The following SLC22A23 variants were observed in gnomAD, a reference collection of about 807,000 sequenced individuals.
SLC22A23 encodes the protein ion transporter protein.
Under a neutral mutation model 61.0 loss-of-function variants are expected in SLC22A23, and 26 were observed. The ratio of observed to expected loss-of-function variants is 0.43; its 90% CI spans 0.31 to 0.59. The LOEUF is 0.59. SLC22A23 is among the 20% of genes least tolerant of loss of function. The pLI is 0.11. For synonymous variants in SLC22A23, 430 were observed against 413.9 expected (o/e 1.04, Z -0.47); for missense variants, 796 against 934.7 (o/e 0.85, Z 1.94).
chr6:3,291,524 T>A (rs1193306557), intron 5 of SLC22A23: 6 of 152,186 alleles, frequency 3.9e-5, no homozygotes, highest in African/African-American at 1.4e-4. Flanking sequence ...CATACTTGGG[T>A]GCAAAGATTG....
intron 3 of SLC22A23, among the ~76,000 whole-genome samples, chr6:3,359,577 G>A (rs1765311117): frequency 6.6e-6 from 1 of 152,160 alleles, no homozygotes; most frequent in Non-Finnish European, 1.5e-5. Flanking sequence ...CTGGAACCCT[G>A]GTGCACCAGT....
At chr6:3,277,824 C>G (rs928761447) in intron 9 of SLC22A23, among the ~76,000 whole-genome samples, 14 of 152,216 alleles carry the variant, frequency 9.2e-5, no homozygotes. Context: ...AAATAACGTA[C>G]TTTTTAGCAA....
chr6:3,423,093 G>A (rs1197113986), intron 1 of SLC22A23, among the ~76,000 whole-genome samples: 3 of 150,756 alleles, frequency 2.0e-5, no homozygotes, highest in Non-Finnish European at 3.0e-5. Context: ...CCTCTTCTGC[G>A]CAGTGCAGCC....
At chr6:3,423,820 T>C (rs1411438007) in intron 1 of SLC22A23, among the ~76,000 whole-genome samples, 2 of 152,244 alleles carry the variant, frequency 1.3e-5, no homozygotes, top group African/African-American at 2.4e-5. Context: ...AGCCGGACTG[T>C]AGCATTAACA....
chr6:3,358,938 G>A (rs1765274411), intron 3 of SLC22A23, among the ~76,000 whole-genome samples: 1 of 152,068 alleles, frequency 6.6e-6, no homozygotes, highest in Admixed American at 6.5e-5. Flanking sequence ...ATCCTGGGTG[G>A]GGTCTGCACC....
chr6:3,316,989 A>G (rs1762681537), intron 4 of SLC22A23, among the ~76,000 whole-genome samples: 1 of 152,166 alleles, frequency 6.6e-6, no homozygotes, highest in Non-Finnish European at 1.5e-5. Flanking sequence ...GATGGCATGC[A>G]CCAACGTTTT....
rs1473488516 is a variant in SLC22A23, at chr6:3,360,074, CAG to C, written c.914-36074_914-36073del. ...TCTTAGGTAGGCAAATTCATAGAAA[CAG>C]AAAGTAGAAGGGTGGCTGCTCGGGA... is the stretch of plus-strand genomic sequence containing the variant. On this transcript the variant is annotated intron_variant, in intron 3 of 9. Coordinates refer to ENST00000406686, the MANE Select transcript of SLC22A23 (RefSeq NM_015482.2). The surrounding 1 kb of genome is among the most constrained non-coding windows in gnomAD (Gnocchi z 4.6). Among the ~76,000 whole-genome samples the C allele has an allele frequency of 6.6e-6, 1 of 152,004 alleles. No homozygotes were observed. Among genetic ancestry groups the C allele is most frequent in the Non-Finnish European group, 1.5e-5 (1 of 68,020 alleles).
Position 3,300,566 on chromosome 6 carries a change from C to G in SLC22A23, c.1083-2348G>C, listed in dbSNP as rs77383791. ...CACAGAATCTGCTGGTGCCTTAATC[C>G]TGGACCTCTCAGCCTCCAGAACTGT... On this transcript the variant is annotated intron_variant, in intron 4 of 9. Transcript: ENST00000406686. Among the ~76,000 whole-genome samples the G allele has an allele frequency of 6.2e-3, 946 of 152,254 alleles. 13 individuals carry two copies. The highest frequency in any genetic ancestry group is 0.022 in the African/African-American group (895 of 41,544).
In SLC22A23 at chr6:3,389,088, T is replaced by C. The variant is rs1441280262; in HGVS notation, c.913+21100A>G. On this transcript the variant is annotated intron_variant, in intron 3 of 9. Coordinates refer to ENST00000406686, the MANE Select transcript of SLC22A23 (RefSeq NM_015482.2). The stretch of plus-strand genomic sequence containing the variant: ...CTCGAGACCAGCCTGGCCAACATGG[T>C]GAAGCCCCATCTCTACGAAAAATAT... 2.0e-5 allele frequency among the ~76,000 whole-genome samples: 3 copies of C among 151,528 alleles called. No individual in the cohort carries two copies. The East Asian group carries it at 5.8e-4, about 29-fold the overall frequency.
chr6:3,413,618 G>A (rs1168213951), intron 2 of SLC22A23, among the ~76,000 whole-genome samples: 1 of 152,226 alleles, frequency 6.6e-6, no homozygotes, highest in Non-Finnish European at 1.5e-5. Flanking sequence ...TGTCAAAAAT[G>A]TAACTTTTTG....
chr6:3,298,259 CT>C, intron 4 of SLC22A23, 41 bp from the exon 5 acceptor site: 2 of 1,567,592 alleles, frequency 1.3e-6, no homozygotes, highest in Non-Finnish European at 1.7e-6. Context: ...TCTTCCGATT[CT>C]GCACGGCACC....
At chr6:3,418,443 C>G (rs149036594) in intron 1 of SLC22A23, among the ~76,000 whole-genome samples, 155 of 152,334 alleles carry the variant, frequency 1.0e-3, no homozygotes, top group Middle Eastern at 6.8e-3. Context: ...AATGACCAGA[C>G]CTGGCCTTGG....
At chr6:3,384,434 A>G (rs768362085) in intron 3 of SLC22A23, among the ~76,000 whole-genome samples, 3 of 152,226 alleles carry the variant, frequency 2.0e-5, no homozygotes, top group Non-Finnish European at 4.4e-5. Flanking sequence ...TATCAGTGGG[A>G]AAATCACTTA....
chr6:3,391,933 T>C (rs1402944706), intron 3 of SLC22A23, among the ~76,000 whole-genome samples: 1 of 152,066 alleles, frequency 6.6e-6, no homozygotes, highest in Non-Finnish European at 1.5e-5. Flanking sequence ...AAGCAGGAGC[T>C]GAAAGATCCA....
At chr6:3,394,831 G>T (rs931454069) in intron 3 of SLC22A23, among the ~76,000 whole-genome samples, 7 of 152,330 alleles carry the variant, frequency 4.6e-5, no homozygotes, top group African/African-American at 1.4e-4. Flanking sequence ...GTCTGGCCAG[G>T]CTCCCTGGTG....
chr6:3,366,059 G>A (rs925680148), intron 3 of SLC22A23, among the ~76,000 whole-genome samples: 5 of 152,038 alleles, frequency 3.3e-5, no homozygotes, highest in Non-Finnish European at 2.9e-5. Context: ...GGCTGGGCGC[G>A]GTGGCTCACG....
In SLC22A23 at chr6:3,273,258, C is replaced by T; in HGVS notation, c.1858G>A (p.Glu620Lys). Residue 620 changes from glutamate to lysine, a missense_variant, in exon 10 of 10, where the codon GAG becomes AAG. Transcript: ENST00000406686. ...TCAGGCAGGTTCTGGTCCCTGCTCT[C>T]GGGCAGCAGGAGGATGCAGATGATG... ...ICIICILLLP[E>K]SRDQNLPENI... 2.5e-6 allele frequency: 4 copies of T among 1,613,192 alleles called. No individual in the cohort carries two copies. Among genetic ancestry groups the T allele is most frequent in the Non-Finnish European group, 3.4e-6 (4 of 1,179,298 alleles).
intron 5 of SLC22A23, among the ~76,000 whole-genome samples, chr6:3,295,571 G>A (rs1331019667): frequency 6.6e-6 from 1 of 152,198 alleles, no homozygotes; most frequent in Non-Finnish European, 1.5e-5. Context: ...CAGCCAGCCG[G>A]CCAGGGCGCG....
intron 3 of SLC22A23, among the ~76,000 whole-genome samples, chr6:3,325,036 C>T (rs1763196015): frequency 6.6e-6 from 1 of 152,294 alleles, no homozygotes; most frequent in South Asian, 2.1e-4. Flanking sequence ...GATTCTCCGG[C>T]AATATGCAGT....
Sources: gnomAD v4.1 joint callset for allele counts (sites outside exome capture counted in the v4.1 genomes callset) on GRCh38, gnomAD v4.1.1 for gene constraint, Gnocchi (gnomAD v3.1) non-coding constraint, MANE v1.5 for transcripts, NCBI Gene and HGNC (gene_info 2026-07-23, HGNC 2026-07-21) for gene names.